The following RPGRIP1L variants were observed in gnomAD, a reference collection of about 807,000 sequenced individuals.
RPGRIP1L encodes the protein RPGRIP1 like.
RPGRIP1L carries 131 observed loss-of-function variants against 160.4 expected under a neutral mutation model. The observed-to-expected ratio is 0.82, with a 90% confidence interval of 0.71 to 0.94. RPGRIP1L has a LOEUF of 0.94. Ranked by LOEUF, RPGRIP1L falls within the 40% of genes least tolerant of loss-of-function variation. RPGRIP1L has a pLI of 0.00. For missense variants in RPGRIP1L, 1,522 were observed against 1,535.8 expected, an observed-to-expected ratio of 0.99 and a Z score of 0.15; for synonymous variants, 510 against 515.8, an observed-to-expected ratio of 0.99 and a Z score of 0.15.
rs1332826320 is a variant in RPGRIP1L, at chr16:53,621,798, G to A, written c.3432+421C>T. 7.3e-5 allele frequency among the ~76,000 whole-genome samples: 11 copies of A among 151,518 alleles called. No homozygotes were observed. In the South Asian group the frequency reaches 8.4e-4, roughly 12 times the overall value. On this transcript the variant is annotated intron_variant, in intron 23 of 26. Coordinates refer to ENST00000647211, the MANE Select transcript of RPGRIP1L (RefSeq NM_015272.5). ...AGCACTTTGGGAGGCTGAGGTGGGCGGATCACGAGGTCAGGAGATCGAGAC... is the reference window on the plus strand; with the variant it reads ...AGCACTTTGGGAGGCTGAGGTGGGCAGATCACGAGGTCAGGAGATCGAGAC...
At chr16:53,659,104 A>T (rs1249449427) in intron 10 of RPGRIP1L, 1 of 658,082 alleles carries the variant, frequency 1.5e-6, no homozygotes, top group East Asian at 3.6e-5. Flanking sequence ...AACCCAAGAC[A>T]TAAGTTCACA....
chr16:53,699,743 G>A lies in RPGRIP1L; in HGVS notation c.85+896C>T, dbSNP rs112256348. ...TGAGGCAGGAGAATCGCTTAAATCC[G>A]GGAGGCGGAGGTTGTAGTGAGCGGA... On this transcript the variant is annotated intron_variant, in intron 2 of 26. Coordinates refer to ENST00000647211, the MANE Select transcript of RPGRIP1L (RefSeq NM_015272.5). Among the ~76,000 whole-genome samples the A allele has an allele frequency of 1.9e-4, 29 of 151,970 alleles. 2 individuals are homozygous for A. Among genetic ancestry groups the A allele is most frequent in the Admixed American group, 5.2e-4 (8 of 15,266 alleles).
intron 6 of RPGRIP1L, among the ~76,000 whole-genome samples, chr16:53,683,755 A>C (rs1276702317): frequency 6.6e-6 from 1 of 152,074 alleles, no homozygotes; most frequent in Non-Finnish European, 1.5e-5. Flanking sequence ...ATATTTAAAA[A>C]GATAAAGTAT....
At chr16:53,630,773 T>C (rs554431016) in intron 22 of RPGRIP1L, among the ~76,000 whole-genome samples, 18 of 152,262 alleles carry the variant, frequency 1.2e-4, no homozygotes, top group African/African-American at 4.1e-4. Flanking sequence ...CTTGCTCTGT[T>C]GCCCAGGCTG....
rs747427746 is a variant in RPGRIP1L, at chr16:53,686,430, T to C, written c.776+3A>G. On this transcript the variant is annotated splice_donor_region_variant and intron_variant, in intron 6 of 26. Coordinates refer to ENST00000647211, the MANE Select transcript of RPGRIP1L (RefSeq NM_015272.5). Reference sequence around the variant, plus strand: ...TCAAAGTGATATTTCTGTTTTAACATACCTTTGATCTGTAGCTTGCTGTTC... The same window carrying C: ...TCAAAGTGATATTTCTGTTTTAACACACCTTTGATCTGTAGCTTGCTGTTC... 8 of 1,612,744 alleles carry C rather than the reference T, an allele frequency of 5.0e-6. No individual in the cohort carries two copies. The highest frequency in any genetic ancestry group is 6.8e-6 in the Non-Finnish European group (8 of 1,179,516).
chr16:53,619,336 A>G (rs1399194561), intron 23 of RPGRIP1L, 128 bp from the exon 24 acceptor site: 2 of 758,634 alleles, frequency 2.6e-6, no homozygotes, highest in Admixed American at 2.0e-5. Flanking sequence ...CTTGAATGCA[A>G]TGTACACTAC....
intron 10 of RPGRIP1L, among the ~76,000 whole-genome samples, chr16:53,664,143 CT>C (rs1968044948): frequency 6.6e-6 from 1 of 152,164 alleles, no homozygotes; most frequent in Admixed American, 6.5e-5. Flanking sequence ...TTCATTTCCC[CT>C]ATTGTGCATT....
In RPGRIP1L at chr16:53,645,834, T is replaced by TG; in HGVS notation, c.2473dup (p.His825ProfsTer2). 1 of 1,614,138 alleles carries TG rather than the reference T, an allele frequency of 6.2e-7. No homozygotes were observed. The highest frequency in any genetic ancestry group is 8.5e-7 in the Non-Finnish European group (1 of 1,179,976). Reference sequence around the variant, plus strand: ...GCTACTGGGAATGATAGCTGTATCATGGTCTGCAAAATCAAAAAACTTGTA... The same window carrying TG: ...GCTACTGGGAATGATAGCTGTATCATGGGTCTGCAAAATCAAAAAACTTGTA... On this transcript the variant is annotated frameshift_variant, in exon 17 of 27. Transcript: ENST00000647211. LOFTEE classifies it high-confidence loss of function.
intron 24 of RPGRIP1L, among the ~76,000 whole-genome samples, chr16:53,616,987 G>A (rs374670938): frequency 6.2e-5 from 9 of 146,024 alleles, no homozygotes; most frequent in South Asian, 2.2e-4. Context: ...TGAAAGGATC[G>A]CTTAAACCCA....
At chr16:53,634,012 T>C (rs1482427052) in intron 22 of RPGRIP1L, among the ~76,000 whole-genome samples, 1 of 152,202 alleles carries the variant, frequency 6.6e-6, no homozygotes, top group African/African-American at 2.4e-5. Context: ...TTATGAATAA[T>C]AGAAATTTAT....
chr16:53,631,195 G>A (rs1965496601), intron 22 of RPGRIP1L, among the ~76,000 whole-genome samples: 1 of 152,136 alleles, frequency 6.6e-6, no homozygotes, highest in Non-Finnish European at 1.5e-5. Flanking sequence ...ATTGATTTCT[G>A]CATTGTGCCT....
chr16:53,654,360 T>C (rs577272102), intron 14 of RPGRIP1L, among the ~76,000 whole-genome samples: 32 of 152,310 alleles, frequency 2.1e-4, no homozygotes, highest in Non-Finnish European at 4.0e-4. Flanking sequence ...TACAGTGCAG[T>C]TTCTCAAATG....
chr16:53,699,481 T>C (rs1971194926), intron 2 of RPGRIP1L, among the ~76,000 whole-genome samples: 2 of 151,062 alleles, frequency 1.3e-5, no homozygotes. Flanking sequence ...AAAGAACAAC[T>C]GATAGAGACT....
intron 15 of RPGRIP1L, among the ~76,000 whole-genome samples, chr16:53,652,066 A>G (rs1966861213): frequency 6.6e-6 from 1 of 151,500 alleles, no homozygotes; most frequent in African/African-American, 2.5e-5. Flanking sequence ...TTGTACTGAC[A>G]TCATCAATGA....
In RPGRIP1L at chr16:53,656,501, A is replaced by T; in HGVS notation, c.1670T>A (p.Ile557Asn). 6.2e-7 allele frequency: 1 copy of T among 1,613,622 alleles called. No homozygotes were observed. ...KVEQYVHLLD[I>N]RAARIHKLEA... ...TAGTTTATGGATACGTGCAGCCCTG[A>T]TATCAAGAAGATGAACATACTGTTC... Residue 557 changes from isoleucine to asparagine, a missense_variant, in exon 14 of 27, where the codon ATC becomes AAC. Physicochemically the swap from Ile to Asn is moderately radical, Grantham distance 149 (BLOSUM62 -3). Transcript: ENST00000647211.
intron 3 of RPGRIP1L, chr16:53,695,941 A>T: frequency 2.0e-6 from 1 of 511,296 alleles, no homozygotes; most frequent in Non-Finnish European, 3.5e-6. Flanking sequence ...TTTCATTTAA[A>T]TAGCAAATTC....
At chr16:53,624,083 G>A (rs948364040) in intron 22 of RPGRIP1L, among the ~76,000 whole-genome samples, 1 of 151,946 alleles carries the variant, frequency 6.6e-6, no homozygotes, top group East Asian at 1.9e-4. Flanking sequence ...GTAGAGACGG[G>A]GTTTCACTAT....
At position 53,645,608 on chromosome 16, in the gene RPGRIP1L, C is replaced by A; in HGVS notation, c.2683+17G>T. The A allele has an allele frequency of 1.2e-6, 2 of 1,609,396 alleles. No individual in the cohort carries two copies. Among genetic ancestry groups the A allele is most frequent in the South Asian group, 1.1e-5 (1 of 90,566 alleles). ...TTTTGTTTTTACAATTTTATAGATTCAAAAACATAGGCTTACCTGAGATAC... is the reference window on the plus strand; with the variant it reads ...TTTTGTTTTTACAATTTTATAGATTAAAAAACATAGGCTTACCTGAGATAC... On this transcript the variant is annotated intron_variant, in intron 17 of 26. Coordinates refer to ENST00000647211, the MANE Select transcript of RPGRIP1L (RefSeq NM_015272.5).
intron 22 of RPGRIP1L, among the ~76,000 whole-genome samples, chr16:53,626,445 T>C (rs1965184480): frequency 6.6e-6 from 1 of 152,182 alleles, no homozygotes; most frequent in African/African-American, 2.4e-5. Flanking sequence ...CTCAGTTCTT[T>C]TTTTCTTGTT....
Sources: allele counts gnomAD v4.1 joint callset (sites outside exome capture counted in the v4.1 genomes callset), GRCh38; gene constraint gnomAD v4.1.1; transcripts MANE v1.5; gene names NCBI Gene and HGNC (gene_info 2026-07-23, HGNC 2026-07-21).